Variants in SYT2 observed in about 807,000 individuals in gnomAD.
The protein encoded by SYT2 is synaptotagmin 2.
In SYT2, 15 loss-of-function variants were observed where a neutral mutation model predicts 39.9. The observed-to-expected ratio is 0.38, with a 90% CI of 0.25 to 0.58. The LOEUF is 0.58. Ranked by LOEUF, SYT2 falls within the 20% of genes least tolerant of loss-of-function variation. The probability of loss-of-function intolerance (pLI) is 0.70; values close to 1 mark genes in which losing one functional copy is unlikely to be tolerated. For missense variants in SYT2, 389 were observed against 530.3 expected, an observed-to-expected ratio of 0.73 and a Z score of 2.62; for synonymous variants, 181 against 204.5, an observed-to-expected ratio of 0.89 and a Z score of 0.98.
intron 1 of SYT2, among the ~76,000 whole-genome samples, chr1:202,685,466 C>T (rs1037380298): frequency 6.6e-6 from 1 of 152,160 alleles, no homozygotes; most frequent in African/African-American, 2.4e-5. Context: ...TCTAAAGTCA[C>T]CAATATTTTA....
At chr1:202,707,430 T>C (rs1286578659) in intron 1 of SYT2, among the ~76,000 whole-genome samples, 2 of 152,020 alleles carry the variant, frequency 1.3e-5, no homozygotes, top group Non-Finnish European at 1.5e-5. Context: ...TCTTAAAGAG[T>C]ATCCCCACCA....
rs533896196 is a variant in SYT2, at chr1:202,671,534, G to T, written c.-18+38724C>A. On this transcript the variant is annotated intron_variant, in intron 1 of 8. Coordinates refer to ENST00000367268, the MANE Select transcript of SYT2 (RefSeq NM_177402.5). Reference sequence around the variant, plus strand: ...ATCTAGAAGACAACAAAAACCCAGAGCTGGAAGTCGCTTTTGCCCTGAGGG... The same window carrying T: ...ATCTAGAAGACAACAAAAACCCAGATCTGGAAGTCGCTTTTGCCCTGAGGG... Among the ~76,000 whole-genome samples, 6 of 152,380 alleles carry T rather than the reference G, an allele frequency of 3.9e-5. No homozygotes were observed. The South Asian group carries it at 1.2e-3, about 32-fold the overall frequency.
At chr1:202,691,358 T>C (rs1212773779) in intron 1 of SYT2, among the ~76,000 whole-genome samples, 2 of 151,956 alleles carry the variant, frequency 1.3e-5, no homozygotes, top group Non-Finnish European at 2.9e-5. Flanking sequence ...GGTGAAGACA[T>C]GTAGATTGGC....
At chr1:202,676,149 G>T (rs985187560) in intron 1 of SYT2, among the ~76,000 whole-genome samples, 3 of 152,166 alleles carry the variant, frequency 2.0e-5, no homozygotes, top group African/African-American at 4.8e-5. Flanking sequence ...CGCAGGCTGT[G>T]GTCCTAACTA....
At chr1:202,670,080 A>C (rs1326030494) in intron 1 of SYT2, among the ~76,000 whole-genome samples, 2 of 152,204 alleles carry the variant, frequency 1.3e-5, no homozygotes, top group African/African-American at 4.8e-5. Context: ...GGCTTGTGGC[A>C]ACCCAAGAGG....
intron 1 of SYT2, among the ~76,000 whole-genome samples, chr1:202,644,906 G>A (rs1256888066): frequency 6.6e-5 from 10 of 152,182 alleles, no homozygotes; most frequent in Non-Finnish European, 1.0e-4. Flanking sequence ...TGCAGCACCC[G>A]CTGCTCCTGG....
chr1:202,640,826 C>A (rs1192373911), intron 1 of SYT2, among the ~76,000 whole-genome samples: 1 of 129,806 alleles, frequency 7.7e-6, no homozygotes, highest in Non-Finnish European at 1.7e-5. Flanking sequence ...GACAGTGAGA[C>A]AGAGCTGATG....
intron 7 of SYT2, 72 bp downstream of exon 7, chr1:202,600,285 T>A (rs1690452190): frequency 3.9e-6 from 5 of 1,289,946 alleles, no homozygotes; most frequent in Admixed American, 3.4e-5. Context: ...CACTGGAGTG[T>A]GCAAACTCTG....
chr1:202,619,605 T>C (rs1357219239), intron 1 of SYT2, among the ~76,000 whole-genome samples: 1 of 152,248 alleles, frequency 6.6e-6, no homozygotes, highest in Non-Finnish European at 1.5e-5. Flanking sequence ...TGGACTGGAA[T>C]GTGCCCAGGG....
chr1:202,685,867 C>T (rs928878283), intron 1 of SYT2, among the ~76,000 whole-genome samples: 1 of 151,936 alleles, frequency 6.6e-6, no homozygotes, highest in African/African-American at 2.4e-5. Flanking sequence ...GCAAGCAAGG[C>T]GAGGGAATGA....
intron 1 of SYT2, among the ~76,000 whole-genome samples, chr1:202,667,259 A>G (rs902414317): frequency 2.6e-5 from 4 of 152,146 alleles, no homozygotes; most frequent in African/African-American, 9.7e-5. Context: ...TCTATTAAAA[A>G]CTAGATCCAT....
At chr1:202,609,969 T>G (rs1226567573) in intron 1 of SYT2, among the ~76,000 whole-genome samples, 1 of 152,248 alleles carries the variant, frequency 6.6e-6, no homozygotes, top group Non-Finnish European at 1.5e-5. Flanking sequence ...CCCATGCCTG[T>G]GTCCTGAATG....
chr1:202,640,316 C>G (rs1691868086), intron 1 of SYT2, among the ~76,000 whole-genome samples: 1 of 140,184 alleles, frequency 7.1e-6, no homozygotes, highest in Non-Finnish European at 1.5e-5. Flanking sequence ...GCCAGAAGGA[C>G]TTTGGGTCAT....
At chr1:202,672,066 G>C (rs1014954285) in intron 1 of SYT2, among the ~76,000 whole-genome samples, 1 of 152,094 alleles carries the variant, frequency 6.6e-6, no homozygotes, top group Admixed American at 6.5e-5. Context: ...GGAACGGCAG[G>C]TACTGATTAT....
chr1:202,619,395 C>T (rs1394917185), intron 1 of SYT2, among the ~76,000 whole-genome samples: 1 of 152,162 alleles, frequency 6.6e-6, no homozygotes, highest in Non-Finnish European at 1.5e-5. Context: ...GATGCCTGCT[C>T]CCAGCCTGCT....
chr1:202,631,426 C>T (rs1362666799), intron 1 of SYT2, among the ~76,000 whole-genome samples: 1 of 152,198 alleles, frequency 6.6e-6, no homozygotes, highest in Non-Finnish European at 1.5e-5. Context: ...GTTCACTTTG[C>T]ACTTGAGAAA....
chr1:202,653,397 A>G (rs1213824374), intron 1 of SYT2, among the ~76,000 whole-genome samples: 1 of 152,038 alleles, frequency 6.6e-6, no homozygotes, highest in Admixed American at 6.6e-5. Flanking sequence ...GTCACTACGC[A>G]CTGGCTGGTA....
intron 1 of SYT2, chr1:202,631,912 G>C: frequency 1.9e-6 from 1 of 531,446 alleles, no homozygotes; most frequent in African/African-American, 2.1e-5. Context: ...CTAAATCTCT[G>C]ACATCTCCAT....
rs1423938462 is a variant in SYT2, at chr1:202,593,980, T to G, written c.*2777A>C. On this transcript the variant is annotated 3_prime_UTR_variant, in exon 9 of 9. Transcript: ENST00000367268. Reference sequence around the variant, plus strand: ...AATAAACCTGCCCAGCAGTGAGTGTTTGGCATGATGCCCTGTGGTTTAAGC... The same window carrying G: ...AATAAACCTGCCCAGCAGTGAGTGTGTGGCATGATGCCCTGTGGTTTAAGC... 6.6e-6 allele frequency: 1 copy of G among 152,310 alleles called. No individual in the cohort carries two copies. Among genetic ancestry groups the G allele is most frequent in the African/African-American group, 2.4e-5 (1 of 41,386 alleles). The allele number at this position is 152,310 out of a possible 1,614,324, so 9.4% of individuals were successfully genotyped here. A position where few individuals can be genotyped will look rare whatever the true frequency, so the allele number is the denominator to read the frequency against.
Sources: allele counts gnomAD v4.1 joint callset (sites outside exome capture counted in the v4.1 genomes callset), GRCh38; gene constraint gnomAD v4.1.1; transcripts MANE v1.5; gene names NCBI Gene and HGNC (gene_info 2026-07-23, HGNC 2026-07-21).